The following FARP2 variants were observed in gnomAD, a reference collection of about 807,000 sequenced individuals.
The protein encoded by FARP2 is FERM, ARHGEF and pleckstrin domain-containing protein 2.
FARP2 carries 111 observed loss-of-function variants against 130.5 expected under a neutral mutation model. The observed-to-expected ratio is 0.85, with a 90% confidence interval of 0.73 to 1.00. FARP2 has a LOEUF of 1.00. FARP2 is among the 50% of genes least tolerant of loss of function. FARP2 has a pLI of 0.00. For missense variants in FARP2, 1,385 were observed against 1,346.3 expected (o/e 1.03, Z -0.45); for synonymous variants, 504 against 516.9 (o/e 0.98, Z 0.34).
chr2:241,494,374 C>A lies in FARP2; in HGVS notation c.*249C>A. On this transcript the variant is annotated 3_prime_UTR_variant, in exon 27 of 27. Transcript: ENST00000264042. This position sits in a 1 kb window ranked among gnomAD's most constrained non-coding sequence, Gnocchi z 4.9. ...TGCGAGTCTTGAGCGCGGAGCCGCT[C>A]AAGCCACAGCTCCCAGGCCCCTGGC... is the stretch of plus-strand genomic sequence containing the variant. 7.1e-5 allele frequency: 21 copies of A among 295,448 alleles called. No homozygotes were observed. Among genetic ancestry groups the A allele is most frequent in the East Asian group, 1.1e-4 (2 of 18,604 alleles). 18.3% of individuals were successfully genotyped at this position (295,448 alleles called of 1,614,324 possible).
chr2:241,427,294 C>T (rs1232012159), intron 8 of FARP2, among the ~76,000 whole-genome samples: 2 of 152,126 alleles, frequency 1.3e-5, no homozygotes, highest in East Asian at 3.9e-4. Context: ...ACAAATTTAA[C>T]ACAGTACAGT....
chr2:241,412,985 A>T (rs1382767277), intron 6 of FARP2, among the ~76,000 whole-genome samples: 2 of 152,150 alleles, frequency 1.3e-5, no homozygotes, highest in Non-Finnish European at 2.9e-5. Context: ...TAGTGATTGC[A>T]CCATTGCACT....
chr2:241,447,195 A>G (rs1249959523), intron 13 of FARP2: 1 of 152,210 alleles, frequency 6.6e-6, no homozygotes, highest in Non-Finnish European at 1.5e-5. Context: ...TTTGATTTAT[A>G]TAAGTTAAAG....
intron 1 of FARP2, among the ~76,000 whole-genome samples, chr2:241,357,100 A>G (rs1390256020): frequency 2.0e-5 from 3 of 152,198 alleles, no homozygotes; most frequent in South Asian, 2.1e-4. Flanking sequence ...CCATTAATGG[A>G]TGTGAAAAGC....
chr2:241,401,715 A>G (rs1222008363), intron 2 of FARP2, among the ~76,000 whole-genome samples: 1 of 152,152 alleles, frequency 6.6e-6, no homozygotes, highest in African/African-American at 2.4e-5. Flanking sequence ...TGATAACACA[A>G]TAGAGAGTTC....
At chr2:241,430,914 T>G (rs901028867) in intron 8 of FARP2, among the ~76,000 whole-genome samples, 1 of 151,696 alleles carries the variant, frequency 6.6e-6, no homozygotes, top group Non-Finnish European at 1.5e-5. Flanking sequence ...GCAGGAGAAC[T>G]GCTTGAACCC....
At chr2:241,466,695 C>CA (rs1319337881) in intron 17 of FARP2, 10 of 677,966 alleles carry the variant, frequency 1.5e-5, no homozygotes, top group Non-Finnish European at 1.8e-5. Context: ...AACCACCCCC[C>CA]CCCCCACCAC....
Position 241,456,911 on chromosome 2 carries a change from C to T in FARP2, c.1576C>T (p.Pro526Ser). The T allele has an allele frequency of 6.3e-7, 1 of 1,596,840 alleles. No individual in the cohort carries two copies. The highest frequency in any genetic ancestry group is 1.1e-5 in the South Asian group (1 of 89,266). Residue 526 changes from proline to serine, a missense_variant, in exon 14 of 27, where the codon CCC becomes TCC. Physicochemically the swap from Pro to Ser is moderately conservative, Grantham distance 74 (BLOSUM62 -1). Transcript: ENST00000264042. ...CGGAGCCGGGATGGACTGCGAGGAG[C>T]CCAGACACAAGGTGGGCCCCTCGAG... ...AGGAGMDCEE[P>S]RHKRVPADEA... is the part of the protein sequence containing the mutation.
intron 9 of FARP2, among the ~76,000 whole-genome samples, chr2:241,432,059 A>G (rs2063106566): frequency 6.6e-6 from 1 of 152,132 alleles, no homozygotes; most frequent in African/African-American, 2.4e-5. Flanking sequence ...ACCTTAGGTG[A>G]TCCACCCGCC....
rs768940867 is a variant in FARP2 at position 241,411,014 on chromosome 2, A to C, written c.411-19A>C. On this transcript the variant is annotated intron_variant, in intron 5 of 26. Transcript: ENST00000264042. ...AACATTTGGAATTGATCTCTGTCTT[A>C]TTTTGAACTCTCTTCTAGATACTTG... The C allele has an allele frequency of 1.2e-5, 19 of 1,526,100 alleles. No individual in the cohort carries two copies. The South Asian group carries it at 2.2e-4, about 18-fold the overall frequency. The allele number at this position is 1,526,100 out of a possible 1,614,324, so 94.5% of individuals were successfully genotyped here.
chr2:241,438,033 T>C (rs953846834), intron 12 of FARP2, among the ~76,000 whole-genome samples: 6 of 152,144 alleles, frequency 3.9e-5, no homozygotes, highest in Admixed American at 3.3e-4. Flanking sequence ...GGTCTCGAAC[T>C]CCTGGCCTCA....
At chr2:241,485,602 T>C (rs1465193783) in intron 21 of FARP2, among the ~76,000 whole-genome samples, 1 of 139,112 alleles carries the variant, frequency 7.2e-6, no homozygotes, top group Non-Finnish European at 1.6e-5. Context: ...TTGCTCCCTG[T>C]AGTCCTCTCT....
chr2:241,380,786 C>T (rs1435031418), intron 2 of FARP2, among the ~76,000 whole-genome samples: 3 of 152,026 alleles, frequency 2.0e-5, no homozygotes, highest in Non-Finnish European at 2.9e-5. Context: ...TTCAGTTCTT[C>T]TCATCCCTCC....
chr2:241,406,029 C>T (rs934226810), intron 4 of FARP2, among the ~76,000 whole-genome samples: 1 of 151,282 alleles, frequency 6.6e-6, no homozygotes, highest in Non-Finnish European at 1.5e-5. Flanking sequence ...GGGGGCCGGG[C>T]ACGGTGGCTC....
Position 241,493,407 on chromosome 2 carries a change from T to A in FARP2, c.3010T>A (p.Tyr1004Asn), listed in dbSNP as rs780792477. The A allele has an allele frequency of 2.5e-6, 4 of 1,613,988 alleles. No individual in the cohort carries two copies. The South Asian group carries it at 4.4e-5, about 18-fold the overall frequency. Residue 1004 changes from tyrosine (Y) to asparagine (N), a missense_variant, in exon 26 of 27, where the codon TAC becomes AAC. Coordinates refer to ENST00000264042, the MANE Select transcript of FARP2 (RefSeq NM_014808.4). The part of the protein sequence containing the change: ...VFKLQFKSHV[Y>N]FFRAESKYTF... Reference sequence around the variant, plus strand: ...CAAGCTCCAGTTCAAATCCCACGTCTACTTCTTCCGGGCTGAGAGCAAGTA... The same window carrying A: ...CAAGCTCCAGTTCAAATCCCACGTCAACTTCTTCCGGGCTGAGAGCAAGTA...
chr2:241,359,839 C>G (rs1470813827), intron 1 of FARP2, among the ~76,000 whole-genome samples: 2 of 152,198 alleles, frequency 1.3e-5, no homozygotes, highest in Admixed American at 1.3e-4. Context: ...GCCTGAGTTC[C>G]TTGATGCCAG....
intron 4 of FARP2, among the ~76,000 whole-genome samples, chr2:241,406,221 T>C (rs1398715872): frequency 6.6e-6 from 1 of 151,202 alleles, no homozygotes; most frequent in East Asian, 2.0e-4. Flanking sequence ...GGCAGGAGAA[T>C]GGCATGAACC....
At chr2:241,408,021 T>C (rs1014923828) in intron 5 of FARP2, among the ~76,000 whole-genome samples, 5 of 152,212 alleles carry the variant, frequency 3.3e-5, no homozygotes, top group East Asian at 3.8e-4. Flanking sequence ...AGAAATACTT[T>C]GGGTCACTTC....
chr2:241,383,060 G>A (rs925700895), intron 2 of FARP2, among the ~76,000 whole-genome samples: 6 of 152,160 alleles, frequency 3.9e-5, no homozygotes, highest in South Asian at 2.1e-4. Context: ...GAAAAATTAC[G>A]GAAAGCCACA....
Sources: allele counts gnomAD v4.1 joint callset (sites outside exome capture counted in the v4.1 genomes callset), GRCh38; gene constraint gnomAD v4.1.1; non-coding constraint Gnocchi (gnomAD v3.1); transcripts MANE v1.5; gene names NCBI Gene and HGNC (gene_info 2026-07-23, HGNC 2026-07-21).